Variants in ELOVL6 observed in about 807,000 individuals in gnomAD.
ELOVL6 encodes the protein ELOVL fatty acid elongase 6.
A neutral mutation model predicts 31.7 loss-of-function variants in ELOVL6; 8 were observed. The observed-to-expected ratio is 0.25, with a 90% CI of 0.15 to 0.45. The LOEUF is 0.45. Among genes scored for constraint, ELOVL6 ranks in the 20% least tolerant of loss-of-function variants. ELOVL6 has a pLI of 1.00. For synonymous variants in ELOVL6, 101 were observed against 117.7 expected (o/e 0.86, Z 0.92); for missense variants, 126 against 326.4 (o/e 0.39, Z 4.73).
intron 2 of ELOVL6, among the ~76,000 whole-genome samples, chr4:110,104,015 G>C (rs1179360912): frequency 6.6e-6 from 1 of 152,158 alleles, no homozygotes; most frequent in Non-Finnish European, 1.5e-5. Flanking sequence ...TGAGAAACAA[G>C]GTGAGCAAGA....
intron 1 of ELOVL6, among the ~76,000 whole-genome samples, chr4:110,122,124 T>TG (rs1251553028): frequency 6.6e-6 from 1 of 152,190 alleles, no homozygotes; most frequent in Non-Finnish European, 1.5e-5. Flanking sequence ...AAAAGGACAA[T>TG]GGCCCTTTGC....
At chr4:110,177,168 T>C (rs1759132149) in intron 1 of ELOVL6, among the ~76,000 whole-genome samples, 2 of 152,348 alleles carry the variant, frequency 1.3e-5, no homozygotes, top group African/African-American at 2.4e-5. Context: ...TCTAGGCATG[T>C]TGGCTCATGC....
chr4:110,055,248 G>C (rs1754948577), intron 3 of ELOVL6, among the ~76,000 whole-genome samples: 1 of 152,180 alleles, frequency 6.6e-6, no homozygotes, highest in African/African-American at 2.4e-5. Flanking sequence ...GCCAAGTCAT[G>C]GTAATTTCAG....
chr4:110,109,135 C>T (rs575889117), intron 1 of ELOVL6, among the ~76,000 whole-genome samples: 2 of 152,232 alleles, frequency 1.3e-5, no homozygotes, highest in African/African-American at 2.4e-5. Context: ...GGATAGATTG[C>T]TTTCCTAATG....
chr4:110,155,747 A>G (rs1758397130), intron 1 of ELOVL6, among the ~76,000 whole-genome samples: 1 of 151,916 alleles, frequency 6.6e-6, no homozygotes, highest in Non-Finnish European at 1.5e-5. Context: ...CAGATCAACA[A>G]CCTCCTCGTA....
At chr4:110,131,426 G>C (rs1405961508) in intron 1 of ELOVL6, among the ~76,000 whole-genome samples, 2 of 152,048 alleles carry the variant, frequency 1.3e-5, no homozygotes, top group African/African-American at 4.8e-5. Context: ...TATAGACAGG[G>C]GTATTTTTAG....
chr4:110,180,943 C>T (rs1578284311), intron 1 of ELOVL6, among the ~76,000 whole-genome samples: 1 of 152,130 alleles, frequency 6.6e-6, no homozygotes, highest in Non-Finnish European at 1.5e-5. Flanking sequence ...TCAAGACCAG[C>T]CCAGGCCCCA....
chr4:110,172,954 A>G (rs1296903889), intron 1 of ELOVL6, among the ~76,000 whole-genome samples: 1 of 152,200 alleles, frequency 6.6e-6, no homozygotes, highest in Non-Finnish European at 1.5e-5. Flanking sequence ...ATGCAAAAGG[A>G]GAGACACACT....
chr4:110,120,115 C>T (rs1757300574), intron 1 of ELOVL6, among the ~76,000 whole-genome samples: 1 of 152,092 alleles, frequency 6.6e-6, no homozygotes, highest in South Asian at 2.1e-4. Context: ...AAAGCATGCC[C>T]TTTGAGAATG....
chr4:110,117,195 C>G (rs1418080199), intron 1 of ELOVL6, among the ~76,000 whole-genome samples: 1 of 152,122 alleles, frequency 6.6e-6, no homozygotes, highest in Non-Finnish European at 1.5e-5. Context: ...ACAAGACAGC[C>G]CTCTGCAACC....
chr4:110,105,680 C>A (rs1460843848), intron 1 of ELOVL6, 52 bp from the exon 2 acceptor site: 1 of 1,552,774 alleles, frequency 6.4e-7, no homozygotes, highest in Non-Finnish European at 8.8e-7. Flanking sequence ...TTAGGAAACA[C>A]CAAATTTTGT....
intron 1 of ELOVL6, 73 bp downstream of exon 1, chr4:110,198,174 A>G: frequency 2.3e-6 from 2 of 873,594 alleles, no homozygotes; most frequent in Non-Finnish European, 3.9e-6. Context: ...CAGGCAGGGA[A>G]TACCGACATT....
At chr4:110,142,565 A>C (rs992024942) in intron 1 of ELOVL6, among the ~76,000 whole-genome samples, 3 of 152,216 alleles carry the variant, frequency 2.0e-5, no homozygotes, top group Non-Finnish European at 4.4e-5. Flanking sequence ...AAAACAGTTA[A>C]ATGAATGACT....
chr4:110,095,117 GC>G (rs1218341080), intron 2 of ELOVL6, among the ~76,000 whole-genome samples: 1 of 152,206 alleles, frequency 6.6e-6, no homozygotes, highest in Admixed American at 6.5e-5. Flanking sequence ...TTAAGTCTAA[GC>G]AATAACTAAG....
intron 2 of ELOVL6, among the ~76,000 whole-genome samples, chr4:110,104,360 G>A (rs73839574): frequency 0.047 from 7,116 of 152,194 alleles, 567 homozygotes; most frequent in African/African-American, 0.16. Flanking sequence ...CAAATCATGA[G>A]TACTTCAAAC....
Position 110,059,751 on chromosome 4 carries a change from T to C in ELOVL6, c.225A>G (p.Ile75Met). Residue 75 changes from isoleucine to methionine, a missense_variant, in exon 3 of 4, where the codon ATA becomes ATG. Physicochemically the swap from Ile to Met is conservative, Grantham distance 10. Coordinates refer to ENST00000302274, the MANE Select transcript of ELOVL6 (RefSeq NM_024090.3). ...AAGCACCAGTTCGAAGAGCACCGAA[T>C]ATACTTCATAATGAAAAGAGAAAAG... ...LWSLTLAVFS[I>M]FGALRTGAYM... 1 of 1,608,018 alleles carries C rather than the reference T, an allele frequency of 6.2e-7. No homozygotes were observed. The highest frequency in any genetic ancestry group is 1.3e-5 in the African/African-American group (1 of 74,740).
intron 2 of ELOVL6, among the ~76,000 whole-genome samples, chr4:110,084,129 G>GATATA (rs1560814134): frequency 2.5e-5 from 1 of 40,382 alleles, no homozygotes; most frequent in Non-Finnish European, 3.8e-5. Context: ...TAACATATAT[G>GATATA]TGATAATGAT....
intron 1 of ELOVL6, among the ~76,000 whole-genome samples, chr4:110,128,497 G>A (rs150809659): frequency 6.6e-6 from 1 of 152,296 alleles, no homozygotes; most frequent in African/African-American, 2.4e-5. Flanking sequence ...AATGGCACAG[G>A]TTTTAGACAA....
intron 1 of ELOVL6, chr4:110,117,903 A>AAAAAAAAAAAATTAT: frequency 3.1e-4 from 2 of 6,502 alleles, no homozygotes; most frequent in African/African-American, 6.5e-4. Flanking sequence ...AAAAAAAAAA[A>AAAAAAAAAAAATTAT]ATATATATAT....
Sources: gnomAD v4.1 joint callset for allele counts (sites outside exome capture counted in the v4.1 genomes callset) on GRCh38, gnomAD v4.1.1 for gene constraint, MANE v1.5 for transcripts, NCBI Gene and HGNC (gene_info 2026-07-23, HGNC 2026-07-21) for gene names.